The following CASTOR2 variants were observed in gnomAD, a reference collection of about 807,000 sequenced individuals.
The protein encoded by CASTOR2 is cytosolic arginine sensor for mTORC1 subunit 2, also known as GATS protein like 2.
CASTOR2 carries 8 observed loss-of-function variants against 31.2 expected under a neutral mutation model. The ratio of observed to expected loss-of-function variants is 0.26; its 90% CI spans 0.15 to 0.46. The LOEUF (loss-of-function observed/expected upper bound fraction) is 0.46, where lower values mean the gene tolerates loss of function less well. CASTOR2 is among the 20% of genes least tolerant of loss of function. The probability of loss-of-function intolerance (pLI) is 0.99; values close to 1 mark genes in which losing one functional copy is unlikely to be tolerated. For missense variants in CASTOR2, 216 were observed against 382.1 expected, an observed-to-expected ratio of 0.57 and a Z score of 3.62; for synonymous variants, 162 against 158.7, an observed-to-expected ratio of 1.02 and a Z score of -0.16.
At chr7:75,022,059 A>G (rs1805018744) in intron 7 of CASTOR2, 103 bp downstream of exon 7, 34 of 1,363,010 alleles carry the variant, frequency 2.5e-5, no homozygotes, top group Non-Finnish European at 3.5e-5. Flanking sequence ...GGGGGTACAG[A>G]TGGGGAGACT....
intron 1 of CASTOR2, among the ~76,000 whole-genome samples, chr7:74,978,150 C>G (rs1803868570): frequency 6.7e-6 from 1 of 148,182 alleles, no homozygotes; most frequent in Non-Finnish European, 1.5e-5. Flanking sequence ...GTCACCCAGG[C>G]TGGAGTGCAA....
chr7:75,020,261 G>C (rs1804962841), intron 6 of CASTOR2, 112 bp downstream of exon 6: 1 of 1,060,120 alleles, frequency 9.4e-7, no homozygotes, highest in Admixed American at 2.2e-5. Context: ...GTTTTTTTTT[G>C]ATACGGGGTC....
At position 74,983,622 on chromosome 7, in the gene CASTOR2, C is replaced by G. The variant is rs587691572; in HGVS notation, c.113+18524C>G. ...TCGTGTGCATCTCCTGCCCTGACCC[C>G]CTCTGCAAGCTTGGTTCTTGAGTGC... On this transcript the variant is annotated intron_variant, in intron 1 of 8. Coordinates refer to ENST00000616305, the MANE Select transcript of CASTOR2 (RefSeq NM_001145064.3). Among the ~76,000 whole-genome samples the G allele has an allele frequency of 2.5e-4, 38 of 151,768 alleles. 1 individual carries two copies. Among genetic ancestry groups the G allele is most frequent in the African/African-American group, 9.0e-4 (37 of 41,180 alleles).
chr7:75,009,500 C>T (rs1191015282), intron 2 of CASTOR2, among the ~76,000 whole-genome samples: 1 of 151,868 alleles, frequency 6.6e-6, no homozygotes, highest in Non-Finnish European at 1.5e-5. Flanking sequence ...GATCTCCTGA[C>T]CTCGTGATCC....
intron 1 of CASTOR2, among the ~76,000 whole-genome samples, chr7:75,006,820 CT>C (rs1804615830): frequency 6.6e-6 from 1 of 152,072 alleles, no homozygotes; most frequent in African/African-American, 2.4e-5. Flanking sequence ...CCTTCTTTGC[CT>C]TCTGTCATGA....
intron 1 of CASTOR2, among the ~76,000 whole-genome samples, chr7:74,987,048 CAAAA>C (rs1464714418): frequency 2.0e-5 from 3 of 151,832 alleles, no homozygotes; most frequent in Admixed American, 6.6e-5. Context: ...TAAATAACAA[CAAAA>C]AAATTCAACC....
chr7:75,014,867 G>A (rs1379990652), intron 2 of CASTOR2, among the ~76,000 whole-genome samples: 3 of 152,216 alleles, frequency 2.0e-5, no homozygotes, highest in African/African-American at 7.2e-5. Flanking sequence ...CCCTCAAGGT[G>A]TACACTTCAC....
rs1488140570 is a variant in CASTOR2 at position 75,028,759 on chromosome 7, G to A, written c.*4060G>A. On this transcript the variant is annotated 3_prime_UTR_variant, in exon 9 of 9. Coordinates refer to ENST00000616305, the MANE Select transcript of CASTOR2 (RefSeq NM_001145064.3). Reference sequence around the variant, plus strand: ...TTCCTCCATGGGCATCTCCAGGACCGCCCTCCTTCAAGGGGCACTGCCCAC... The same window carrying A: ...TTCCTCCATGGGCATCTCCAGGACCACCCTCCTTCAAGGGGCACTGCCCAC... Among the ~76,000 whole-genome samples the A allele has an allele frequency of 4.6e-5, 7 of 152,242 alleles. No individual in the cohort carries two copies. The highest frequency in any genetic ancestry group is 7.4e-5 in the Non-Finnish European group (5 of 67,998).
intron 1 of CASTOR2, among the ~76,000 whole-genome samples, chr7:74,992,583 G>C (rs1376051185): frequency 6.6e-6 from 1 of 152,122 alleles, no homozygotes; most frequent in Non-Finnish European, 1.5e-5. Flanking sequence ...GGGACTACAG[G>C]TGCAGGCCAC....
chr7:74,985,989 A>G (rs1303702103), intron 1 of CASTOR2, among the ~76,000 whole-genome samples: 4,585 of 152,012 alleles, frequency 0.03, 90 homozygotes, highest in African/African-American at 0.032. Flanking sequence ...GGGCAGTGGC[A>G]TTATCTCGGC....
chr7:75,024,589 T>A, intron 8 of CASTOR2, 45 bp from the exon 9 acceptor site: 1 of 1,550,532 alleles, frequency 6.4e-7, no homozygotes, highest in South Asian at 1.2e-5. Flanking sequence ...GGAAGCAGGT[T>A]CCTGGGCTCA....
rs1163737395 is a variant in CASTOR2 at position 75,030,006 on chromosome 7, G to GA, written c.*5310dup. 6.6e-6 allele frequency among the ~76,000 whole-genome samples: 1 copy of GA among 152,190 alleles called. No individual in the cohort carries two copies. The highest frequency in any genetic ancestry group is 1.5e-5 in the Non-Finnish European group (1 of 68,024). On this transcript the variant is annotated 3_prime_UTR_variant, in exon 9 of 9. Coordinates refer to ENST00000616305, the MANE Select transcript of CASTOR2 (RefSeq NM_001145064.3). ...GACCCTGCCTCTACAAGAAAATAACGAAAGAGGCCCCAGGGAAGGAAGCCA... is the reference window on the plus strand; with the variant it reads ...GACCCTGCCTCTACAAGAAAATAACGAAAAGAGGCCCCAGGGAAGGAAGCCA...
At chr7:74,997,972 G>C (rs2131937292) in intron 1 of CASTOR2, among the ~76,000 whole-genome samples, 1 of 152,174 alleles carries the variant, frequency 6.6e-6, no homozygotes, top group South Asian at 2.1e-4. Context: ...TTGTTACTGA[G>C]AACAGGCTGT....
At chr7:74,996,068 G>C (rs1804339371) in intron 1 of CASTOR2, among the ~76,000 whole-genome samples, 1 of 152,112 alleles carries the variant, frequency 6.6e-6, no homozygotes, top group East Asian at 1.9e-4. Context: ...GGTGTGTGTT[G>C]GGGTGCTGAG....
chr7:75,001,466 T>A (rs1258265969), intron 1 of CASTOR2, among the ~76,000 whole-genome samples: 1 of 152,098 alleles, frequency 6.6e-6, no homozygotes, highest in Non-Finnish European at 1.5e-5. Context: ...GTAGGCAGAG[T>A]ACAGAGAGGC....
intron 1 of CASTOR2, among the ~76,000 whole-genome samples, chr7:75,004,127 A>G (rs1331665801): frequency 6.6e-6 from 1 of 152,128 alleles, no homozygotes; most frequent in Non-Finnish European, 1.5e-5. Context: ...CGCCCCACCC[A>G]GGGAGTACCA....
chr7:75,020,086 T>C lies in CASTOR2; in HGVS notation c.683T>C (p.Phe228Ser). Residue 228 changes from phenylalanine (F) to serine (S), a missense_variant, in exon 6 of 9, where the codon TTC becomes TCC. Around this residue, in one of 5 missense-constraint regions of CASTOR2, gnomAD observed 44 missense variants for 57.5 expected, o/e 0.76. Coordinates refer to ENST00000616305, the MANE Select transcript of CASTOR2 (RefSeq NM_001145064.3). ...GGGGATGACTGCGGCCACATCCGCTTCTTCTCCTTCTCCCTCATCGAGGGC... is the reference window on the plus strand; with the variant it reads ...GGGGATGACTGCGGCCACATCCGCTCCTTCTCCTTCTCCCTCATCGAGGGC... ...ATGDDCGHIR[F>S]FSFSLIEGYI... 1 of 1,551,492 alleles carries C rather than the reference T, an allele frequency of 6.4e-7. No homozygotes were observed. Among genetic ancestry groups the C allele is most frequent in the Non-Finnish European group, 8.7e-7 (1 of 1,146,826 alleles).
chr7:75,020,048 C>T lies in CASTOR2; in HGVS notation c.645C>T (p.Asp215=). Residue 215 remains aspartate (D), a synonymous_variant, in exon 6 of 9, where the codon GAC becomes GAT. Transcript: ENST00000616305. ...TGCCTCTGGTCCCCAGAGTGAAGGA[C>T]CCCATGGCCACTGGGGATGACTGCG... ...DVMFYSNGVK[D]PMATGDDCGH... 2.6e-6 allele frequency: 4 copies of T among 1,551,380 alleles called. No homozygotes were observed. The highest frequency in any genetic ancestry group is 2.4e-5 in the East Asian group (1 of 40,918).
At chr7:75,023,483 T>C (rs1805056317) in intron 7 of CASTOR2, among the ~76,000 whole-genome samples, 1 of 150,632 alleles carries the variant, frequency 6.6e-6, no homozygotes, top group African/African-American at 2.4e-5. Context: ...TTTTGTTTTT[T>C]TTTTTTTTGA....
Sources: allele counts gnomAD v4.1 joint callset (sites outside exome capture counted in the v4.1 genomes callset), GRCh38; gene constraint gnomAD v4.1.1; regional missense constraint gnomAD v4.1.1; transcripts MANE v1.5; gene names NCBI Gene and HGNC (gene_info 2026-07-23, HGNC 2026-07-21).